Variants in TANC2 observed in about 807,000 individuals in gnomAD.
The protein encoded by TANC2 is tetratricopeptide repeat, ankyrin repeat and coiled-coil containing 2.
TANC2 carries 26 observed loss-of-function variants against 210.5 expected under a neutral mutation model. The ratio of observed to expected loss-of-function variants is 0.12; its 90% CI spans 0.09 to 0.17. TANC2 has a LOEUF of 0.17. Ranked by LOEUF, TANC2 falls within the 10% of genes least tolerant of loss-of-function variation. The pLI, the probability that TANC2 is intolerant of heterozygous loss-of-function variation, is 1.00. For synonymous variants in TANC2, 931 were observed against 967.1 expected, an observed-to-expected ratio of 0.96 and a Z score of 0.69; for missense variants, 2,129 against 2,608.9, an observed-to-expected ratio of 0.82 and a Z score of 4.01.
chr17:63,400,684 C>T (rs2048315806), intron 19 of TANC2, among the ~76,000 whole-genome samples: 1 of 151,700 alleles, frequency 6.6e-6, no homozygotes, highest in Admixed American at 6.6e-5. Flanking sequence ...CACTCTGTCC[C>T]CCAGGCTAGA....
At chr17:63,238,170 G>T in intron 8 of TANC2, 93 bp downstream of exon 8, 1 of 1,385,928 alleles carries the variant, frequency 7.2e-7, no homozygotes, top group Non-Finnish European at 9.4e-7. Flanking sequence ...TGCTCTGACA[G>T]TATTTAAATT....
chr17:63,017,099 A>G (rs2034142890), intron 2 of TANC2, among the ~76,000 whole-genome samples: 1 of 152,126 alleles, frequency 6.6e-6, no homozygotes, highest in Non-Finnish European at 1.5e-5. Flanking sequence ...TGGAGTAAGT[A>G]TTTGCATGTG....
intron 9 of TANC2, among the ~76,000 whole-genome samples, chr17:63,307,273 C>T (rs762181731): frequency 2.0e-5 from 3 of 152,082 alleles, no homozygotes; most frequent in African/African-American, 2.4e-5. Context: ...AGCCTCAGTC[C>T]GGGTAGCAAT....
At chr17:63,246,989 G>A (rs2042936543) in intron 8 of TANC2, among the ~76,000 whole-genome samples, 1 of 152,032 alleles carries the variant, frequency 6.6e-6, no homozygotes, top group Admixed American at 6.5e-5. Context: ...ACCTTTAGCT[G>A]GTGTGAAATG....
At chr17:63,017,403 A>AT (rs997783743) in intron 2 of TANC2, among the ~76,000 whole-genome samples, 6 of 152,220 alleles carry the variant, frequency 3.9e-5, no homozygotes, top group South Asian at 4.2e-4. Flanking sequence ...CAGTTAACTG[A>AT]TTTTTTTAAA....
At chr17:63,312,982 TGA>T (rs1297839246) in intron 9 of TANC2, among the ~76,000 whole-genome samples, 1 of 152,200 alleles carries the variant, frequency 6.6e-6, no homozygotes, top group African/African-American at 2.4e-5. Context: ...CAGTTTTAAA[TGA>T]GAGTGCACAC....
chr17:63,036,797 GT>G (rs2034989482), intron 2 of TANC2, among the ~76,000 whole-genome samples: 7 of 148,900 alleles, frequency 4.7e-5, no homozygotes, highest in Admixed American at 4.7e-4. Context: ...GCATTTGGTA[GT>G]TTCCAGCATA....
intron 4 of TANC2, among the ~76,000 whole-genome samples, chr17:63,122,773 A>G (rs1192429599): frequency 6.6e-6 from 1 of 152,284 alleles, no homozygotes. Flanking sequence ...TGGAAACATA[A>G]TTTACTCAGA....
intron 15 of TANC2, among the ~76,000 whole-genome samples, chr17:63,385,976 A>G (rs2047765814): frequency 6.6e-6 from 1 of 152,242 alleles, no homozygotes; most frequent in Non-Finnish European, 1.5e-5. Context: ...GAGGATACGT[A>G]GAAATAATTA....
chr17:63,409,636 T>C (rs1008844608), intron 21 of TANC2, among the ~76,000 whole-genome samples: 30 of 152,170 alleles, frequency 2.0e-4, no homozygotes, highest in African/African-American at 7.0e-4. Context: ...ACTTACACAA[T>C]CCTAGATGGT....
Position 63,284,161 on chromosome 17 carries a change from A to G in TANC2, c.1159+16288A>G, listed in dbSNP as rs2044149941. On this transcript the variant is annotated intron_variant, in intron 9 of 27. Coordinates refer to ENST00000689528, the Ensembl canonical transcript of TANC2. The stretch of plus-strand genomic sequence containing the variant: ...TTAGTTTGTTGATACTTTTTTTTCA[A>G]TCAGGAATTTATATTGGATTTTGTC... Among the ~76,000 whole-genome samples, 5 of 151,922 alleles carry G rather than the reference A, an allele frequency of 3.3e-5. No homozygotes were observed. In the South Asian group the frequency reaches 1.0e-3, roughly 31 times the overall value.
At chr17:63,422,741 A>AT (rs1415452340) in exon 28 of TANC2, 2 of 152,122 alleles carry the variant, frequency 1.3e-5, no homozygotes, top group Non-Finnish European at 1.5e-5. Flanking sequence ...TTAGCCGACA[A>AT]TTAACCACTA....
intron 7 of TANC2, among the ~76,000 whole-genome samples, chr17:63,212,381 A>T (rs2041913133): frequency 6.6e-6 from 1 of 152,146 alleles, no homozygotes; most frequent in Non-Finnish European, 1.5e-5. Context: ...CTATAATTGG[A>T]TATCATCTAT....
At chr17:63,189,187 C>T (rs1273574932) in intron 5 of TANC2, among the ~76,000 whole-genome samples, 1 of 152,022 alleles carries the variant, frequency 6.6e-6, no homozygotes, top group Non-Finnish European at 1.5e-5. Context: ...ATTTGAGGGA[C>T]AGTGGGGTTC....
intron 2 of TANC2, among the ~76,000 whole-genome samples, chr17:63,063,743 G>A (rs1228234014): frequency 6.6e-6 from 1 of 150,852 alleles, no homozygotes; most frequent in Non-Finnish European, 1.5e-5. Context: ...ACCCAGTATT[G>A]TAATTCTTGT....
At chr17:63,038,291 CT>C (rs1195458032) in intron 2 of TANC2, among the ~76,000 whole-genome samples, 3 of 152,114 alleles carry the variant, frequency 2.0e-5, no homozygotes, top group African/African-American at 7.2e-5. Flanking sequence ...GAGTTTTCTT[CT>C]TTGAACCGTT....
At chr17:63,096,832 A>C (rs1417156016) in intron 3 of TANC2, among the ~76,000 whole-genome samples, 1 of 152,154 alleles carries the variant, frequency 6.6e-6, no homozygotes, top group African/African-American at 2.4e-5. Flanking sequence ...ACCGTCTTAC[A>C]TTTCCACCAG....
At chr17:62,972,897 T>G (rs1021197843) in intron 1 of TANC2, among the ~76,000 whole-genome samples, 6 of 152,216 alleles carry the variant, frequency 3.9e-5, no homozygotes, top group African/African-American at 1.2e-4. Flanking sequence ...CTGGGCAAAC[T>G]GCTTCACAGC....
At chr17:63,223,904 A>G (rs771108465) in intron 7 of TANC2, among the ~76,000 whole-genome samples, 13 of 152,006 alleles carry the variant, frequency 8.6e-5, no homozygotes, top group Non-Finnish European at 1.3e-4. Flanking sequence ...TGTGTATTTT[A>G]CCTCAAGCAC....
Sources: allele counts gnomAD v4.1 joint callset (sites outside exome capture counted in the v4.1 genomes callset), GRCh38; gene constraint gnomAD v4.1.1; transcripts MANE v1.5; gene names NCBI Gene and HGNC (gene_info 2026-07-23, HGNC 2026-07-21).